Variants in ENTHD1 observed in about 807,000 individuals in gnomAD.
ENTHD1 encodes ENTH domain-containing protein 1.
ENTHD1 carries 23 observed loss-of-function variants against 39.1 expected under a neutral mutation model. That is an observed-to-expected ratio of 0.59 (90% CI 0.42 to 0.83). The LOEUF is 0.83. Ranked by LOEUF, ENTHD1 falls within the 40% of genes least tolerant of loss-of-function variation. The pLI is 0.00. For missense variants in ENTHD1, 624 were observed against 705.4 expected, an observed-to-expected ratio of 0.88 and a Z score of 1.31; for synonymous variants, 230 against 258.2, an observed-to-expected ratio of 0.89 and a Z score of 1.05.
chr22:39,821,214 C>A, intron 4 of ENTHD1, 101 bp from the exon 5 acceptor site: 2 of 1,319,290 alleles, frequency 1.5e-6, no homozygotes, highest in Middle Eastern at 1.9e-4. Context: ...CTAACATCAT[C>A]ATAAACACAT....
chr22:39,802,348 T>C (rs2146618151), intron 5 of ENTHD1, among the ~76,000 whole-genome samples: 1 of 152,352 alleles, frequency 6.6e-6, no homozygotes, highest in South Asian at 2.1e-4. Flanking sequence ...AACAGCCATG[T>C]AGAAATGTGA....
intron 2 of ENTHD1, among the ~76,000 whole-genome samples, chr22:39,862,553 A>G (rs1393969676): frequency 3.3e-5 from 5 of 151,436 alleles, no homozygotes; most frequent in Non-Finnish European, 5.9e-5. Context: ...TCTCAAAAAA[A>G]AAAAAAAAAA....
chr22:39,808,356 T>C (rs1038111370), intron 5 of ENTHD1, among the ~76,000 whole-genome samples: 4 of 152,232 alleles, frequency 2.6e-5, no homozygotes, highest in Admixed American at 2.0e-4. Flanking sequence ...GACTGGAAGC[T>C]GCATAAAGGC....
chr22:39,836,199 C>A (rs2065906939), intron 3 of ENTHD1, among the ~76,000 whole-genome samples: 1 of 151,960 alleles, frequency 6.6e-6, no homozygotes, highest in Non-Finnish European at 1.5e-5. Flanking sequence ...AAATTATTTT[C>A]TTTATATTTG....
chr22:39,757,919 C>T (rs1197163856), intron 6 of ENTHD1, among the ~76,000 whole-genome samples: 1 of 152,124 alleles, frequency 6.6e-6, no homozygotes, highest in Non-Finnish European at 1.5e-5. Context: ...CTCTCTCCTA[C>T]CACCTTGTGA....
chr22:39,850,582 T>A (rs546750531), intron 3 of ENTHD1, among the ~76,000 whole-genome samples: 16 of 152,304 alleles, frequency 1.1e-4, no homozygotes, highest in South Asian at 1.0e-3. Flanking sequence ...TACTTTTTAA[T>A]TTCCATTTGT....
At chr22:39,870,141 C>T (rs1476264778) in intron 2 of ENTHD1, among the ~76,000 whole-genome samples, 3 of 151,942 alleles carry the variant, frequency 2.0e-5, no homozygotes, top group Admixed American at 2.0e-4. Flanking sequence ...CTCAGCCTCC[C>T]GAGTGGCTGG....
intron 5 of ENTHD1, among the ~76,000 whole-genome samples, chr22:39,779,808 A>AT (rs1307227499): frequency 6.6e-6 from 1 of 152,036 alleles, no homozygotes; most frequent in East Asian, 1.9e-4. Context: ...AGTTTTTTTC[A>AT]TTTTTTCTTT....
At chr22:39,843,053 A>C (rs112544435) in intron 3 of ENTHD1, among the ~76,000 whole-genome samples, 1 of 151,828 alleles carries the variant, frequency 6.6e-6, no homozygotes, top group African/African-American at 2.4e-5. Context: ...TCAGTGTGGC[A>C]ATTCCTCAGG....
At chr22:39,876,991 G>A (rs1295551860) in intron 2 of ENTHD1, among the ~76,000 whole-genome samples, 2 of 152,116 alleles carry the variant, frequency 1.3e-5, no homozygotes, top group Admixed American at 1.3e-4. Context: ...TACATAAATG[G>A]ACTGTGACAG....
Position 39,855,487 on chromosome 22 carries a change from C to T in ENTHD1, c.592+6278G>A, listed in dbSNP as rs144471766. On this transcript the variant is annotated intron_variant, in intron 3 of 6. Transcript: ENST00000325157. ...TTATTCTCTCCATCTTCCTTAATAACAGAATCTCTTAACTTTCATCTGGGC... is the reference window on the plus strand; with the variant it reads ...TTATTCTCTCCATCTTCCTTAATAATAGAATCTCTTAACTTTCATCTGGGC... 6.0e-3 allele frequency among the ~76,000 whole-genome samples: 918 copies of T among 151,866 alleles called. 4 individuals are homozygous for T. The highest frequency in any genetic ancestry group is 0.021 in the African/African-American group (876 of 41,438).
chr22:39,863,829 G>T (rs2066163254), intron 2 of ENTHD1, among the ~76,000 whole-genome samples: 1 of 152,156 alleles, frequency 6.6e-6, no homozygotes, highest in Non-Finnish European at 1.5e-5. Flanking sequence ...AGATGACAGT[G>T]GCCAACGATG....
Position 39,834,151 on chromosome 22 carries a change from T to C in ENTHD1, c.711+1689A>G, listed in dbSNP as rs147492441. 2.2e-3 allele frequency among the ~76,000 whole-genome samples: 333 copies of C among 152,184 alleles called. 3 individuals carry two copies. The highest frequency in any genetic ancestry group is 7.6e-3 in the African/African-American group (316 of 41,530). ...ACTGAAAAATTTGACTTCATTGAAA[T>C]CTTAAAATTTTGCTCTGTGAAAGAT... On this transcript the variant is annotated intron_variant, in intron 4 of 6. Transcript: ENST00000325157.
At position 39,890,855 on chromosome 22, in the gene ENTHD1, T is replaced by A. The variant is rs199840993; in HGVS notation, c.-156+2840A>T. ...TTTACCTTGTGATATGAACGTAGAA[T>A]ATGTAAAACACCATTCTACTACTGC... is the stretch of plus-strand genomic sequence containing the variant. On this transcript the variant is annotated intron_variant, in intron 1 of 6. Coordinates refer to ENST00000325157, the MANE Select transcript of ENTHD1 (RefSeq NM_152512.4). Among the ~76,000 whole-genome samples, 26 of 152,350 alleles carry A rather than the reference T, an allele frequency of 1.7e-4. No homozygotes were observed. The East Asian group carries it at 5.0e-3, about 29-fold the overall frequency.
At chr22:39,835,779 G>T (rs111734676) in intron 4 of ENTHD1, 61 bp downstream of exon 4, 1 of 1,257,094 alleles carries the variant, frequency 8.0e-7, no homozygotes, top group East Asian at 2.4e-5. Context: ...AAATTTGTTT[G>T]TTTTAAGGCA....
chr22:39,835,160 C>G (rs1163753650), intron 4 of ENTHD1, among the ~76,000 whole-genome samples: 1 of 152,006 alleles, frequency 6.6e-6, no homozygotes, highest in Non-Finnish European at 1.5e-5. Flanking sequence ...GGCTGCAATC[C>G]AGTTGGTACT....
intron 3 of ENTHD1, among the ~76,000 whole-genome samples, chr22:39,844,883 C>A (rs1354978405): frequency 6.6e-6 from 1 of 152,160 alleles, no homozygotes; most frequent in Non-Finnish European, 1.5e-5. Context: ...ATGAAAGCTA[C>A]AGTTTGACAC....
intron 4 of ENTHD1, among the ~76,000 whole-genome samples, chr22:39,833,350 G>A (rs934750909): frequency 8.5e-5 from 13 of 152,126 alleles, no homozygotes; most frequent in African/African-American, 3.1e-4. Flanking sequence ...CATTGGAGGA[G>A]CATAACTATT....
chr22:39,853,929 G>A (rs574587317), intron 3 of ENTHD1, among the ~76,000 whole-genome samples: 42 of 152,296 alleles, frequency 2.8e-4, no homozygotes, highest in African/African-American at 1.0e-3. Context: ...ATTTAAGGAA[G>A]ATTAGTAAAA....
Sources: allele counts gnomAD v4.1 joint callset (sites outside exome capture counted in the v4.1 genomes callset), GRCh38; gene constraint gnomAD v4.1.1; transcripts MANE v1.5; gene names NCBI Gene and HGNC (gene_info 2026-07-23, HGNC 2026-07-21).